The following CERS1 variants were observed in gnomAD, a reference collection of about 807,000 sequenced individuals.
CERS1 encodes the protein ceramide synthase 1.
A neutral mutation model predicts 35.7 loss-of-function variants in CERS1; 16 were observed. The ratio of observed to expected loss-of-function variants is 0.45; its 90% confidence interval spans 0.30 to 0.68. The LOEUF is 0.68. CERS1 is among the 30% of genes least tolerant of loss of function. CERS1 has a pLI of 0.08. For missense variants in CERS1, 454 were observed against 453.9 expected (o/e 1.00, Z 0.00); for synonymous variants, 243 against 201.6 (o/e 1.21, Z -1.74).
At chr19:18,893,392 C>T (rs749942853) in intron 2 of CERS1, 24 bp downstream of exon 2, 37 of 1,586,290 alleles carry the variant, frequency 2.3e-5, no homozygotes, top group Admixed American at 3.6e-5. Context: ...AGAGCCCTCC[C>T]GGCCATCCCC....
chr19:18,868,972 C>T lies in CERS1; in HGVS notation c.*1013G>A. ...GTTCGGCGTCGCGCCGCGGCCGGGCCAGGGGGTGGCACAGGCGCGGGTCGA... is the reference window on the plus strand; with the variant it reads ...GTTCGGCGTCGCGCCGCGGCCGGGCTAGGGGGTGGCACAGGCGCGGGTCGA... On this transcript the variant is annotated 3_prime_UTR_variant, in exon 8 of 8. Transcript: ENST00000623882. 8.7e-7 allele frequency: 1 copy of T among 1,148,472 alleles called. No individual in the cohort carries two copies. Among genetic ancestry groups the T allele is most frequent in the Non-Finnish European group, 1.1e-6 (1 of 934,748 alleles). 71.1% of individuals were successfully genotyped at this position (1,148,472 alleles called of 1,614,324 possible).
intron 6 of CERS1, among the ~76,000 whole-genome samples, chr19:18,871,780 C>A (rs2055975186): frequency 6.6e-6 from 1 of 152,222 alleles, no homozygotes; most frequent in African/African-American, 2.4e-5. Flanking sequence ...CTTGCTTGGA[C>A]CTCCCATCTG....
At chr19:18,887,095 A>C (rs2056380875) in intron 2 of CERS1, among the ~76,000 whole-genome samples, 1 of 152,274 alleles carries the variant, frequency 6.6e-6, no homozygotes, top group Non-Finnish European at 1.5e-5. Context: ...CAAAAGGCAG[A>C]CACAACCCGA....
At chr19:18,874,049 G>T (rs992231363) in intron 6 of CERS1, among the ~76,000 whole-genome samples, 2 of 152,132 alleles carry the variant, frequency 1.3e-5, no homozygotes, top group Admixed American at 6.5e-5. Flanking sequence ...GAAGAGCAGA[G>T]AGCACGTTCT....
chr19:18,891,165 C>A (rs968019300), intron 2 of CERS1, among the ~76,000 whole-genome samples: 6 of 152,136 alleles, frequency 3.9e-5, no homozygotes, highest in Admixed American at 3.3e-4. Flanking sequence ...ATGGGTCATC[C>A]GTCTAGAAGG....
chr19:18,869,471 G>A, intron 7 of CERS1, 81 bp from the exon 8 acceptor site: 1 of 1,484,440 alleles, frequency 6.7e-7, no homozygotes, highest in Non-Finnish European at 8.9e-7. Flanking sequence ...CAGGGAGGAA[G>A]GTGAACGCTG....
rs756070538 is a variant in CERS1 at position 18,868,565 on chromosome 19, ATTG to A, written c.*1417_*1419del. The A allele has an allele frequency of 2.3e-5, 35 of 1,499,274 alleles. No homozygotes were observed. The East Asian group carries it at 2.5e-4, about 11-fold the overall frequency. The allele number at this position is 1,499,274 out of a possible 1,614,324, so 92.9% of individuals were successfully genotyped here. On this transcript the variant is annotated 3_prime_UTR_variant, in exon 8 of 8. Coordinates refer to ENST00000623882, the MANE Select transcript of CERS1 (RefSeq NM_021267.5). ...CAGCGGAGCAGACCACGCGGCATTT[ATTG>A]TTGGGCCCGCGTCCCTGCCCGCCCC...
At chr19:18,880,221 C>T (rs1403446593) in intron 4 of CERS1, 53 bp downstream of exon 4, 28 of 1,490,192 alleles carry the variant, frequency 1.9e-5, no homozygotes, top group Non-Finnish European at 2.5e-5. Flanking sequence ...TCTGGACACA[C>T]CCACCTCACC....
At chr19:18,896,924 CG>C (rs34047779), upstream of CERS1, among the ~76,000 whole-genome samples, 5,482 of 132,146 alleles carry the variant, frequency 0.041, 131 homozygotes, top group Admixed American at 0.046. This position sits in a 1 kb window ranked among gnomAD's most constrained non-coding sequence, Gnocchi z 5.9. Context: ...CTGGGGAACC[CG>C]GGGGGGGGGC....
At chr19:18,884,592 A>G (rs2056303579) in intron 2 of CERS1, among the ~76,000 whole-genome samples, 2 of 151,304 alleles carry the variant, frequency 1.3e-5, no homozygotes, top group African/African-American at 4.9e-5. Context: ...TATTTTTAGT[A>G]GAGACGGGGT....
chr19:18,878,317 G>T lies in CERS1; in HGVS notation c.1010+613C>A. 7 of 985,828 alleles carry T rather than the reference G, an allele frequency of 7.1e-6. No homozygotes were observed. Among genetic ancestry groups the T allele is most frequent in the Non-Finnish European group, 7.2e-6 (6 of 830,444 alleles). The allele number at this position is 985,828 out of a possible 1,614,324, so 61.1% of individuals were successfully genotyped here. On this transcript the variant is annotated intron_variant, in intron 6 of 7. Coordinates refer to ENST00000623882, the MANE Select transcript of CERS1 (RefSeq NM_021267.5). This position sits in a 1 kb window ranked among gnomAD's most constrained non-coding sequence, Gnocchi z 4.6. ...GACACCCCCTGCCTGCCCCAGGCCT[G>T]GGGCTTCGGACACCATCTGGCTGTC...
rs759669190 is a variant in CERS1 at position 18,869,290 on chromosome 19, C to T, written c.*695G>A. ...AACGCAGCTCCAGGCGGGCCCGGCT[C>T]GGGCGCTCAGCGGGTTCCACAGCCG... On this transcript the variant is annotated 3_prime_UTR_variant, in exon 8 of 8. Transcript: ENST00000623882. 2.0e-6 allele frequency: 3 copies of T among 1,508,600 alleles called. No homozygotes were observed. Among genetic ancestry groups the T allele is most frequent in the South Asian group, 1.2e-5 (1 of 82,282 alleles). The allele number at this position is 1,508,600 out of a possible 1,614,324, so 93.5% of individuals were successfully genotyped here. A position where few individuals can be genotyped will look rare whatever the true frequency, so the allele number is the denominator to read the frequency against.
Position 18,893,420 on chromosome 19 carries a change from G to C in CERS1, c.405C>G (p.Phe135Leu). The C allele has an allele frequency of 1.2e-6, 2 of 1,602,998 alleles. No individual in the cohort carries two copies. Among genetic ancestry groups the C allele is most frequent in the Non-Finnish European group, 1.7e-6 (2 of 1,175,228 alleles). ...YPFFHDPPSV[F>L]YDWTPGMAVP... is the part of the protein sequence containing the mutation. ...CCATCCCCTCAGGGCCCCTACCGTAGAAGACAGATGGTGGGTCATGGAAGA... is the reference window on the plus strand; with the variant it reads ...CCATCCCCTCAGGGCCCCTACCGTACAAGACAGATGGTGGGTCATGGAAGA... The change falls in exon 2 of 8, where the codon TTC becomes TTG. Residue 135 changes from phenylalanine to leucine, a missense_variant. Transcript: ENST00000623882.
At chr19:18,871,577 G>A (rs571671563) in intron 6 of CERS1, among the ~76,000 whole-genome samples, 2 of 152,248 alleles carry the variant, frequency 1.3e-5, no homozygotes, top group South Asian at 4.1e-4. Context: ...GTAGAGGTGA[G>A]GTTGCTATGT....
intron 2 of CERS1, among the ~76,000 whole-genome samples, chr19:18,893,046 A>G (rs988056159): frequency 2.0e-5 from 3 of 151,368 alleles, no homozygotes; most frequent in African/African-American, 7.3e-5. Context: ...CCTCCCGAGT[A>G]GCTGGGATTA....
chr19:18,892,616 A>G (rs2056519245), intron 2 of CERS1, among the ~76,000 whole-genome samples: 1 of 152,006 alleles, frequency 6.6e-6, no homozygotes, highest in South Asian at 2.1e-4. Context: ...TCCATCTCAA[A>G]AAAAGAAAAA....
chr19:18,877,240 A>T (rs1450537682), intron 6 of CERS1, among the ~76,000 whole-genome samples: 1 of 152,194 alleles, frequency 6.6e-6, no homozygotes, highest in Non-Finnish European at 1.5e-5. Context: ...TTCTGATGAG[A>T]CATCCTCAGC....
At chr19:18,891,121 CAA>C (rs879696067) in intron 2 of CERS1, among the ~76,000 whole-genome samples, 8 of 99,722 alleles carry the variant, frequency 8.0e-5, no homozygotes, top group Non-Finnish European at 8.5e-5. Flanking sequence ...GAGACTGTCT[CAA>C]AAAAAAAAAA....
chr19:18,889,968 C>T (rs553360524), intron 2 of CERS1, among the ~76,000 whole-genome samples: 1 of 152,342 alleles, frequency 6.6e-6, no homozygotes, highest in South Asian at 2.1e-4. Context: ...CCCCTCCCCT[C>T]AGCTCAATCC....
Sources: allele counts gnomAD v4.1 joint callset (sites outside exome capture counted in the v4.1 genomes callset), GRCh38; gene constraint gnomAD v4.1.1; non-coding constraint Gnocchi (gnomAD v3.1); transcripts MANE v1.5; gene names NCBI Gene and HGNC (gene_info 2026-07-23, HGNC 2026-07-21).